GRID1: variants seen among roughly 807,000 people sequenced by gnomAD.
GRID1 encodes the protein glutamate ionotropic receptor delta type subunit 1.
In GRID1, 28 loss-of-function variants were observed where a neutral mutation model predicts 98.0. The observed-to-expected ratio is 0.29, with a 90% CI of 0.21 to 0.39. The LOEUF (loss-of-function observed/expected upper bound fraction) is 0.39, where lower values mean the gene tolerates loss of function less well. GRID1 is among the 10% of genes least tolerant of loss of function. GRID1 has a pLI of 1.00. For missense variants in GRID1, 1,111 were observed against 1,340.5 expected (o/e 0.83, Z 2.67); for synonymous variants, 553 against 538.5 (o/e 1.03, Z -0.37).
chr10:85,970,619 C>T (rs182671512), intron 4 of GRID1, among the ~76,000 whole-genome samples: 11 of 152,060 alleles, frequency 7.2e-5, no homozygotes, highest in Admixed American at 3.3e-4. Flanking sequence ...AAATTCAAAG[C>T]TTTTCATGAT....
chr10:85,776,374 A>G (rs2132720411), intron 8 of GRID1, among the ~76,000 whole-genome samples: 1 of 152,374 alleles, frequency 6.6e-6, no homozygotes, highest in Non-Finnish European at 1.5e-5. Flanking sequence ...AGAGCAGACA[A>G]TTGATAGCAG....
chr10:85,869,798 T>C (rs968732529), intron 5 of GRID1, among the ~76,000 whole-genome samples: 9 of 152,150 alleles, frequency 5.9e-5, no homozygotes, highest in Non-Finnish European at 1.5e-5. Flanking sequence ...CTAGGATGGA[T>C]TATGCCAAGT....
intron 5 of GRID1, among the ~76,000 whole-genome samples, chr10:85,902,846 T>C (rs1005379239): frequency 6.6e-6 from 1 of 152,116 alleles, no homozygotes; most frequent in African/African-American, 2.4e-5. Flanking sequence ...CCAGACATCA[T>C]TGACCTCTCC....
At chr10:85,680,408 G>A (rs1841195116) in intron 12 of GRID1, among the ~76,000 whole-genome samples, 1 of 152,096 alleles carries the variant, frequency 6.6e-6, no homozygotes. Context: ...CATGATCATG[G>A]CCAACTCCTG....
chr10:85,934,176 G>A (rs894225760), intron 4 of GRID1, among the ~76,000 whole-genome samples: 14 of 152,238 alleles, frequency 9.2e-5, no homozygotes, highest in Admixed American at 9.2e-4. Context: ...CGGGAGAAGT[G>A]AGAGCAAGCT....
At chr10:85,635,063 C>T (rs1843022054) in intron 13 of GRID1, among the ~76,000 whole-genome samples, 1 of 146,864 alleles carries the variant, frequency 6.8e-6, no homozygotes, top group South Asian at 2.2e-4. Flanking sequence ...CAACATCCTC[C>T]CACTTCCTCT....
chr10:85,823,603 A>G (rs1433979861), intron 8 of GRID1, among the ~76,000 whole-genome samples: 1 of 152,102 alleles, frequency 6.6e-6, no homozygotes, highest in Non-Finnish European at 1.5e-5. Flanking sequence ...AGAATTGTCC[A>G]ATACTGATAA....
At chr10:86,015,120 T>C (rs919961865) in intron 4 of GRID1, among the ~76,000 whole-genome samples, 1 of 152,210 alleles carries the variant, frequency 6.6e-6, no homozygotes. Flanking sequence ...CATATACCTA[T>C]TCATCCTGTT....
chr10:86,069,122 T>A (rs945353788), intron 4 of GRID1, among the ~76,000 whole-genome samples: 10 of 151,832 alleles, frequency 6.6e-5, no homozygotes, highest in Middle Eastern at 3.4e-3. Context: ...GGGCAGGGCG[T>A]GGAGGTGTTT....
intron 4 of GRID1, among the ~76,000 whole-genome samples, chr10:86,022,477 C>T (rs1029911876): frequency 6.6e-6 from 1 of 151,940 alleles, no homozygotes; most frequent in Non-Finnish European, 1.5e-5. Context: ...GCCTCCTGCC[C>T]ATAAGGGTCA....
intron 6 of GRID1, among the ~76,000 whole-genome samples, chr10:85,868,006 C>T (rs1214326149): frequency 6.6e-6 from 1 of 152,188 alleles, no homozygotes; most frequent in African/African-American, 2.4e-5. Context: ...AATGTGCAGC[C>T]CCTGATACAG....
chr10:85,964,742 A>T (rs1842314867), intron 4 of GRID1, among the ~76,000 whole-genome samples: 2 of 152,238 alleles, frequency 1.3e-5, no homozygotes, highest in African/African-American at 4.8e-5. Flanking sequence ...CAAAGACTTC[A>T]TGTCTAAAAT....
At chr10:85,730,716 A>C (rs576172650) in intron 8 of GRID1, among the ~76,000 whole-genome samples, 7 of 152,362 alleles carry the variant, frequency 4.6e-5, no homozygotes, top group African/African-American at 1.7e-4. Context: ...TCTAATGCAC[A>C]GCCAGAATTG....
intron 12 of GRID1, among the ~76,000 whole-genome samples, chr10:85,682,093 C>A (rs1483197544): frequency 6.6e-6 from 1 of 152,098 alleles, no homozygotes; most frequent in Non-Finnish European, 1.5e-5. Context: ...CAGCTGGCTT[C>A]TCTGCAGCAA....
At chr10:85,882,629 G>T (rs1381526534) in intron 5 of GRID1, among the ~76,000 whole-genome samples, 1 of 152,142 alleles carries the variant, frequency 6.6e-6, no homozygotes, top group Non-Finnish European at 1.5e-5. Context: ...TTGTGGGGTT[G>T]GGGGAGGGGG....
intron 4 of GRID1, among the ~76,000 whole-genome samples, chr10:86,084,332 G>A (rs564351711): frequency 1.5e-4 from 23 of 152,040 alleles, no homozygotes; most frequent in African/African-American, 5.3e-4. Context: ...AAGGAAGGAG[G>A]GGAGGGAGAG....
At chr10:86,062,866 C>A (rs1316888233) in intron 4 of GRID1, among the ~76,000 whole-genome samples, 2 of 152,232 alleles carry the variant, frequency 1.3e-5, no homozygotes, top group East Asian at 3.9e-4. Flanking sequence ...CTAACAGCAG[C>A]CTCTCACTGG....
At chr10:86,231,123 G>C (rs532488110) in intron 2 of GRID1, among the ~76,000 whole-genome samples, 2 of 152,336 alleles carry the variant, frequency 1.3e-5, no homozygotes, top group African/African-American at 4.8e-5. Context: ...GCCCAGCTAG[G>C]CTTCCAGAAG....
At chr10:85,819,142 G>A (rs999848071) in intron 8 of GRID1, among the ~76,000 whole-genome samples, 1 of 152,052 alleles carries the variant, frequency 6.6e-6, no homozygotes, top group Non-Finnish European at 1.5e-5. Context: ...TCCTCATTAC[G>A]TAAGAATTCC....
Sources: allele counts gnomAD v4.1 joint callset (sites outside exome capture counted in the v4.1 genomes callset), GRCh38; gene constraint gnomAD v4.1.1; transcripts MANE v1.5; gene names NCBI Gene and HGNC (gene_info 2026-07-23, HGNC 2026-07-21).